FRMD4A: variants seen among roughly 807,000 people sequenced by gnomAD.
FRMD4A encodes the protein FERM domain-containing protein 4A.
Under a neutral mutation model 129.1 loss-of-function variants are expected in FRMD4A, and 29 were observed. That is an observed-to-expected ratio of 0.22 (90% confidence interval 0.17 to 0.31). The LOEUF (loss-of-function observed/expected upper bound fraction) is 0.31, where lower values mean the gene tolerates loss of function less well. FRMD4A is among the 10% of genes least tolerant of loss of function. FRMD4A has a pLI of 1.00. For missense variants in FRMD4A, 1,272 were observed against 1,375.8 expected (o/e 0.92, Z 1.19); for synonymous variants, 634 against 571.6 (o/e 1.11, Z -1.56).
intron 2 of FRMD4A, chr10:14,087,535 C>T (rs1280553929): frequency 6.6e-6 from 1 of 152,100 alleles, no homozygotes; most frequent in Non-Finnish European, 1.5e-5. Flanking sequence ...CTTTTCATCT[C>T]AGACCCACAG....
intron 2 of FRMD4A, among the ~76,000 whole-genome samples, chr10:13,997,063 C>A (rs1432461145): frequency 6.6e-6 from 1 of 152,106 alleles, no homozygotes; most frequent in Non-Finnish European, 1.5e-5. Flanking sequence ...CTTAGGACAC[C>A]TAAGACTTAG....
At chr10:14,136,299 G>A (rs1275465431) in intron 2 of FRMD4A, among the ~76,000 whole-genome samples, 1 of 152,128 alleles carries the variant, frequency 6.6e-6, no homozygotes, top group Admixed American at 6.5e-5. Context: ...AGATAAAAAG[G>A]CTACATACCT....
intron 2 of FRMD4A, among the ~76,000 whole-genome samples, chr10:14,078,669 A>T (rs79237828): frequency 6.6e-6 from 1 of 152,208 alleles, no homozygotes; most frequent in African/African-American, 2.4e-5. Flanking sequence ...GGTGGGGGGT[A>T]TGACCATTAT....
intron 2 of FRMD4A, among the ~76,000 whole-genome samples, chr10:13,984,419 C>A (rs2095573817): frequency 6.6e-6 from 1 of 152,100 alleles, no homozygotes; most frequent in Non-Finnish European, 1.5e-5. Context: ...CAATTTTAAC[C>A]ATTTTTAAAT....
chr10:14,280,486 G>A (rs939297562), intron 2 of FRMD4A, among the ~76,000 whole-genome samples: 4 of 152,130 alleles, frequency 2.6e-5, no homozygotes, highest in Middle Eastern at 6.8e-3. Flanking sequence ...AAATCACCAT[G>A]TAAGTGATTC....
At chr10:13,998,314 C>T (rs1037184321) in intron 2 of FRMD4A, among the ~76,000 whole-genome samples, 4 of 152,122 alleles carry the variant, frequency 2.6e-5, no homozygotes, top group African/African-American at 9.7e-5. Context: ...AAATTCCCTG[C>T]CATGGCCCAT....
At chr10:13,942,754 G>A (rs1231533458) in intron 2 of FRMD4A, among the ~76,000 whole-genome samples, 1 of 152,066 alleles carries the variant, frequency 6.6e-6, no homozygotes, top group African/African-American at 2.4e-5. Flanking sequence ...CCAACATGGT[G>A]AAACCCTGCC....
At chr10:14,264,877 G>A (rs1427535856) in intron 2 of FRMD4A, among the ~76,000 whole-genome samples, 2 of 152,136 alleles carry the variant, frequency 1.3e-5, no homozygotes, top group African/African-American at 4.8e-5. Flanking sequence ...CGCCTCCTGG[G>A]TTCCAGCGAC....
chr10:14,028,296 C>G (rs1400357723), intron 2 of FRMD4A, among the ~76,000 whole-genome samples: 3 of 152,150 alleles, frequency 2.0e-5, no homozygotes, highest in Non-Finnish European at 4.4e-5. Context: ...GATATTGTTT[C>G]TTCTTCAAGA....
intron 2 of FRMD4A, among the ~76,000 whole-genome samples, chr10:14,106,401 A>G (rs1255473772): frequency 1.3e-5 from 2 of 152,158 alleles, no homozygotes; most frequent in African/African-American, 4.8e-5. Flanking sequence ...TAGTATCTAG[A>G]TCCATCACTG....
intron 2 of FRMD4A, among the ~76,000 whole-genome samples, chr10:14,026,561 G>A (rs796570885): frequency 9.2e-5 from 14 of 152,312 alleles, no homozygotes; most frequent in African/African-American, 3.4e-4. Flanking sequence ...GGCGGGCAGT[G>A]CTGAGATGAA....
intron 2 of FRMD4A, among the ~76,000 whole-genome samples, chr10:14,127,442 T>C (rs1838907613): frequency 6.6e-6 from 1 of 152,162 alleles, no homozygotes; most frequent in Non-Finnish European, 1.5e-5. Flanking sequence ...TGCTGTACTC[T>C]GGAGAAGCGA....
At chr10:13,691,413 G>A (rs2134817813) in intron 15 of FRMD4A, among the ~76,000 whole-genome samples, 1 of 152,292 alleles carries the variant, frequency 6.6e-6, no homozygotes, top group South Asian at 2.1e-4. Flanking sequence ...GAGTCTGCCA[G>A]ATACAAGGGG....
chr10:13,904,296 G>A (rs1252582329), intron 2 of FRMD4A, among the ~76,000 whole-genome samples: 3 of 152,040 alleles, frequency 2.0e-5, no homozygotes, highest in Admixed American at 6.6e-5. Context: ...TCTTGCTTTC[G>A]CACGGCCGTA....
At chr10:14,197,526 A>G (rs1332501010) in intron 2 of FRMD4A, among the ~76,000 whole-genome samples, 1 of 152,080 alleles carries the variant, frequency 6.6e-6, no homozygotes, top group Non-Finnish European at 1.5e-5. Context: ...AGGCCCAGCT[A>G]ATTTTTGTAT....
intron 2 of FRMD4A, among the ~76,000 whole-genome samples, chr10:13,994,974 G>GA (rs2095617257): frequency 6.6e-6 from 1 of 152,186 alleles, no homozygotes; most frequent in Non-Finnish European, 1.5e-5. Flanking sequence ...AGAGTGAACA[G>GA]GAGCGCAGCC....
intron 2 of FRMD4A, chr10:13,890,764 C>G (rs1164934599): frequency 1.0e-5 from 10 of 985,246 alleles, no homozygotes; most frequent in Non-Finnish European, 1.2e-5. Flanking sequence ...GGCATTGGTT[C>G]TCGTTTCTCA....
At chr10:13,826,452 T>G (rs2093702344) in intron 3 of FRMD4A, among the ~76,000 whole-genome samples, 1 of 152,212 alleles carries the variant, frequency 6.6e-6, no homozygotes, top group South Asian at 2.1e-4. Flanking sequence ...GGATTTCTCC[T>G]CCTTGCACCT....
chr10:13,705,029 G>C (rs2087276270), intron 13 of FRMD4A, among the ~76,000 whole-genome samples: 1 of 152,166 alleles, frequency 6.6e-6, no homozygotes, highest in Non-Finnish European at 1.5e-5. Context: ...AGCTATGATT[G>C]CACCACTGCA....
Sources: gnomAD v4.1 joint callset for allele counts (sites outside exome capture counted in the v4.1 genomes callset) on GRCh38, gnomAD v4.1.1 for gene constraint, MANE v1.5 for transcripts, NCBI Gene and HGNC (gene_info 2026-07-23, HGNC 2026-07-21) for gene names.